The following FREM2 variants were observed in gnomAD, a reference collection of about 807,000 sequenced individuals.
FREM2 encodes the protein FRAS1 related extracellular matrix 2, also known as FRAS1-related extracellular matrix protein 2.
In FREM2, 119 loss-of-function variants were observed where a neutral mutation model predicts 219.9. The observed-to-expected ratio is 0.54, with a 90% CI of 0.47 to 0.63. The LOEUF is 0.63. Among genes scored for constraint, FREM2 ranks in the 30% least tolerant of loss-of-function variants. FREM2 has a pLI of 0.00. For synonymous variants in FREM2, 1,562 were observed against 1,522.8 expected (o/e 1.03, Z -0.60); for missense variants, 4,030 against 3,993.6 (o/e 1.01, Z -0.25).
intron 16 of FREM2, among the ~76,000 whole-genome samples, chr13:38,869,523 C>T (rs991249967): frequency 4.6e-5 from 7 of 152,124 alleles, no homozygotes; most frequent in Non-Finnish European, 8.8e-5. Flanking sequence ...GGAACAAAGT[C>T]GTTACAAGAG....
At chr13:38,796,945 A>G (rs1222602193) in intron 6 of FREM2, among the ~76,000 whole-genome samples, 1 of 151,906 alleles carries the variant, frequency 6.6e-6, no homozygotes, top group Admixed American at 6.6e-5. Flanking sequence ...CAGTGGTGCA[A>G]TGATAGCTGC....
chr13:38,864,232 G>C (rs1266766869), intron 15 of FREM2, 43 bp from the exon 16 acceptor site: 2 of 1,470,220 alleles, frequency 1.4e-6, no homozygotes, highest in Non-Finnish European at 1.9e-6. Flanking sequence ...CAAAATTCTT[G>C]GCTACTTGAA....
At chr13:38,773,061 G>T (rs1451775616) in intron 4 of FREM2, among the ~76,000 whole-genome samples, 2 of 151,690 alleles carry the variant, frequency 1.3e-5, no homozygotes, top group Admixed American at 6.6e-5. Flanking sequence ...TTATAATTAT[G>T]GTCTTACAAT....
At chr13:38,799,265 A>T (rs1156574131) in intron 6 of FREM2, among the ~76,000 whole-genome samples, 1 of 151,908 alleles carries the variant, frequency 6.6e-6, no homozygotes, top group Non-Finnish European at 1.5e-5. Flanking sequence ...ATGTATTTGT[A>T]TAGGTTCCAA....
At chr13:38,703,670 A>G (rs753567228) in intron 2 of FREM2, among the ~76,000 whole-genome samples, 1 of 152,182 alleles carries the variant, frequency 6.6e-6, no homozygotes, top group Non-Finnish European at 1.5e-5. Flanking sequence ...TCAAGTTTTT[A>G]TACCTTTTAG....
chr13:38,841,831 A>G (rs988194584), intron 6 of FREM2, among the ~76,000 whole-genome samples: 2 of 152,182 alleles, frequency 1.3e-5, no homozygotes, highest in African/African-American at 4.8e-5. Flanking sequence ...ACAAATATTG[A>G]TTGCACACCT....
At chr13:38,740,673 G>A (rs967309359) in intron 2 of FREM2, among the ~76,000 whole-genome samples, 9 of 152,182 alleles carry the variant, frequency 5.9e-5, no homozygotes, top group African/African-American at 2.2e-4. Context: ...TATTGGCCCT[G>A]TGGGCATCAA....
At chr13:38,756,508 C>T (rs1226082572) in intron 2 of FREM2, among the ~76,000 whole-genome samples, 1 of 150,064 alleles carries the variant, frequency 6.7e-6, no homozygotes, top group Admixed American at 6.7e-5. Context: ...ACTGCTTCAG[C>T]ACTATGGTTG....
chr13:38,825,783 G>A (rs1002435813), intron 6 of FREM2, among the ~76,000 whole-genome samples: 2 of 152,034 alleles, frequency 1.3e-5, no homozygotes, highest in African/African-American at 4.8e-5. Flanking sequence ...TCACTCACAG[G>A]CTCTGCCATG....
At chr13:38,738,610 G>C (rs146848522) in intron 2 of FREM2, among the ~76,000 whole-genome samples, 3 of 148,628 alleles carry the variant, frequency 2.0e-5, no homozygotes, top group African/African-American at 7.4e-5. Flanking sequence ...GAAAAAAAAG[G>C]AAAGGGGATG....
chr13:38,832,929 C>T (rs1876567452), intron 6 of FREM2, among the ~76,000 whole-genome samples: 1 of 152,198 alleles, frequency 6.6e-6, no homozygotes, highest in Middle Eastern at 3.4e-3. Flanking sequence ...GTCCCAGCTA[C>T]TCAGGAGGCT....
At chr13:38,750,229 A>G (rs1566127664) in intron 2 of FREM2, among the ~76,000 whole-genome samples, 1 of 151,914 alleles carries the variant, frequency 6.6e-6, no homozygotes, top group Non-Finnish European at 1.5e-5. Context: ...CATAATTCCC[A>G]CGTGTTGTGG....
At chr13:38,751,602 G>C (rs1872770895) in intron 2 of FREM2, among the ~76,000 whole-genome samples, 1 of 152,020 alleles carries the variant, frequency 6.6e-6, no homozygotes, top group Admixed American at 6.6e-5. Flanking sequence ...CCTCCTCTGA[G>C]CCCCAGGAGA....
At chr13:38,786,327 C>T (rs1025848902) in intron 6 of FREM2, among the ~76,000 whole-genome samples, 4 of 152,042 alleles carry the variant, frequency 2.6e-5, no homozygotes, top group East Asian at 1.9e-4. Context: ...TTTGAAAACA[C>T]GAAAAATTAG....
At chr13:38,740,275 T>C (rs187091060) in intron 2 of FREM2, among the ~76,000 whole-genome samples, 428 of 152,338 alleles carry the variant, frequency 2.8e-3, no homozygotes, top group Admixed American at 0.011. Flanking sequence ...CATTTTATAC[T>C]GTATTTTCAT....
rs960134601 is a variant in FREM2, at chr13:38,749,686, C to T, written c.5264-14618C>T. On this transcript the variant is annotated intron_variant, in intron 2 of 23. Coordinates refer to ENST00000280481, the MANE Select transcript of FREM2 (RefSeq NM_207361.6). ...TAACACCCCCTGCCTTGCCCTTCAC[C>T]CCCTCCCCAACTTGTGACAGCCAAA... Among the ~76,000 whole-genome samples the T allele has an allele frequency of 2.6e-5, 4 of 151,980 alleles. 1 individual carries two copies. The highest frequency in any genetic ancestry group is 9.7e-5 in the African/African-American group (4 of 41,368).
At chr13:38,761,556 A>T (rs1355300810) in intron 2 of FREM2, among the ~76,000 whole-genome samples, 1 of 152,244 alleles carries the variant, frequency 6.6e-6, no homozygotes, top group Non-Finnish European at 1.5e-5. Flanking sequence ...GGATACTGTC[A>T]ATTATTGATG....
In FREM2 at chr13:38,688,118, T is replaced by C. The variant is rs976958580; in HGVS notation, c.774T>C (p.Ala258=). The C allele has an allele frequency of 3.1e-6, 5 of 1,613,180 alleles. No homozygotes were observed. The African/African-American group carries it at 5.3e-5, about 17-fold the overall frequency. The change falls in exon 1 of 24, where the codon GCT becomes GCC. Residue 258 remains alanine, a synonymous_variant. Transcript: ENST00000280481. The part of the protein sequence containing the change: ...APETLLMDCK[A]FQELGVRYRH... ...AGACTCTCCTGATGGACTGCAAAGCTTTCCAGGAACTAGGCGTGCGCTATC... is the reference window on the plus strand; with the variant it reads ...AGACTCTCCTGATGGACTGCAAAGCCTTCCAGGAACTAGGCGTGCGCTATC...
Position 38,876,328 on chromosome 13 carries a change from C to T in FREM2, c.8490C>T (p.Val2830=). 1 of 1,614,012 alleles carries T rather than the reference C, an allele frequency of 6.2e-7. No individual in the cohort carries two copies. The highest frequency in any genetic ancestry group is 8.5e-7 in the Non-Finnish European group (1 of 1,179,932). Residue 2830 remains valine, a synonymous_variant, in exon 20 of 24, where the codon GTC becomes GTT. Transcript: ENST00000280481. ...APSHQEYRLP[V]TCNPREPVTF... ...CACATCAGGAATACCGCCTGCCAGTCACCTGCAACCCCAGAGAACCTGTCA... is the reference window on the plus strand; with the variant it reads ...CACATCAGGAATACCGCCTGCCAGTTACCTGCAACCCCAGAGAACCTGTCA...
Sources: gnomAD v4.1 joint callset for allele counts (sites outside exome capture counted in the v4.1 genomes callset) on GRCh38, gnomAD v4.1.1 for gene constraint, MANE v1.5 for transcripts, NCBI Gene and HGNC (gene_info 2026-07-23, HGNC 2026-07-21) for gene names.